Variants in SHISA6 observed in about 807,000 individuals in gnomAD.
SHISA6 encodes shisa family member 6.
In SHISA6, 22 loss-of-function variants were observed where a neutral mutation model predicts 47.9. The observed-to-expected ratio is 0.46, with a 90% CI of 0.33 to 0.66. The LOEUF is 0.66. SHISA6 is among the 30% of genes least tolerant of loss of function. The pLI, the probability that SHISA6 is intolerant of heterozygous loss-of-function variation, is 0.02. For synonymous variants in SHISA6, 388 were observed against 337.8 expected, an observed-to-expected ratio of 1.15 and a Z score of -1.63; for missense variants, 680 against 764.6, an observed-to-expected ratio of 0.89 and a Z score of 1.30.
chr17:11,477,878 A>T (rs1215068812), intron 3 of SHISA6, among the ~76,000 whole-genome samples: 11 of 150,026 alleles, frequency 7.3e-5, no homozygotes, highest in Non-Finnish European at 3.0e-5. Context: ...TGCAATAAAC[A>T]TACGTGTGCG....
At chr17:11,507,246 A>T (rs2071506946) in intron 3 of SHISA6, among the ~76,000 whole-genome samples, 1 of 152,236 alleles carries the variant, frequency 6.6e-6, no homozygotes, top group African/African-American at 2.4e-5. Context: ...AAGGAAGGTG[A>T]ATTGGACAGG....
At chr17:11,333,661 C>T (rs1472677402) in intron 2 of SHISA6, among the ~76,000 whole-genome samples, 1 of 152,096 alleles carries the variant, frequency 6.6e-6, no homozygotes, top group Non-Finnish European at 1.5e-5. Flanking sequence ...ATTACAGATG[C>T]ATGCCACCAT....
At chr17:11,525,414 G>A (rs1471681803) in intron 3 of SHISA6, among the ~76,000 whole-genome samples, 3 of 151,738 alleles carry the variant, frequency 2.0e-5, no homozygotes, top group African/African-American at 4.8e-5. Flanking sequence ...GTGGGCAGAC[G>A]ACAAGGTCAA....
chr17:11,440,875 T>C (rs1915076875), intron 3 of SHISA6, among the ~76,000 whole-genome samples: 1 of 151,430 alleles, frequency 6.6e-6, no homozygotes, highest in Non-Finnish European at 1.5e-5. Flanking sequence ...TACAGTTCCA[T>C]TGAGAGATGG....
chr17:11,259,705 G>A (rs370203955), intron 1 of SHISA6, among the ~76,000 whole-genome samples: 5 of 152,272 alleles, frequency 3.3e-5, no homozygotes, highest in East Asian at 3.9e-4. Flanking sequence ...TACATAATTG[G>A]TATTGAACTG....
intron 3 of SHISA6, among the ~76,000 whole-genome samples, chr17:11,491,981 G>C (rs1469691004): frequency 1.3e-5 from 2 of 152,080 alleles, no homozygotes; most frequent in Admixed American, 1.3e-4. Context: ...ATGTTGGTCA[G>C]GATGGTCTCG....
At chr17:11,263,816 T>C (rs1908332201) in intron 2 of SHISA6, among the ~76,000 whole-genome samples, 1 of 152,192 alleles carries the variant, frequency 6.6e-6, no homozygotes, top group Admixed American at 6.5e-5. Context: ...GCAGCATCCA[T>C]AGCAGGGTAT....
intron 3 of SHISA6, among the ~76,000 whole-genome samples, chr17:11,409,278 T>C (rs1276665568): frequency 6.6e-6 from 1 of 152,224 alleles, no homozygotes; most frequent in East Asian, 1.9e-4. Flanking sequence ...ATACTAGTTA[T>C]AATTATCTTT....
intron 3 of SHISA6, 145 bp downstream of exon 3, chr17:11,379,654 G>A (rs974925235): frequency 9.9e-5 from 55 of 555,758 alleles, no homozygotes; most frequent in Middle Eastern, 2.7e-4. Flanking sequence ...GGTGACATGC[G>A]TGGCTTCTGA....
intron 2 of SHISA6, among the ~76,000 whole-genome samples, chr17:11,322,452 C>T (rs1430079831): frequency 1.3e-5 from 2 of 152,126 alleles, no homozygotes; most frequent in Non-Finnish European, 2.9e-5. Context: ...GAAAACATCT[C>T]TTTTGCCTTG....
At chr17:11,296,477 G>C (rs1909754526) in intron 2 of SHISA6, among the ~76,000 whole-genome samples, 1 of 152,134 alleles carries the variant, frequency 6.6e-6, no homozygotes, top group South Asian at 2.1e-4. Flanking sequence ...GAGTAACTGA[G>C]ATGGATCCCA....
chr17:11,311,440 C>G (rs1261449237), intron 2 of SHISA6, among the ~76,000 whole-genome samples: 1 of 152,034 alleles, frequency 6.6e-6, no homozygotes, highest in African/African-American at 2.4e-5. Flanking sequence ...CATGGCTATA[C>G]TAGTAAAATG....
chr17:11,391,099 T>C (rs1443817212), intron 3 of SHISA6, among the ~76,000 whole-genome samples: 1 of 152,098 alleles, frequency 6.6e-6, no homozygotes, highest in Non-Finnish European at 1.5e-5. Context: ...AGGGCAGGTA[T>C]TTCAGGTGGG....
At chr17:11,284,128 CT>C (rs759628056) in intron 2 of SHISA6, among the ~76,000 whole-genome samples, 36 of 152,208 alleles carry the variant, frequency 2.4e-4, no homozygotes, top group Admixed American at 2.0e-3. Flanking sequence ...AATCCTCCCC[CT>C]ACCTCATCTA....
chr17:11,369,466 G>C (rs748086824), intron 2 of SHISA6, among the ~76,000 whole-genome samples: 16 of 152,212 alleles, frequency 1.1e-4, no homozygotes, highest in Non-Finnish European at 2.2e-4. Flanking sequence ...TTCACTCATA[G>C]GACGCTCAGT....
chr17:11,314,037 G>GAAC (rs2142189333), intron 2 of SHISA6, among the ~76,000 whole-genome samples: 1 of 152,306 alleles, frequency 6.6e-6, no homozygotes, highest in East Asian at 1.9e-4. Context: ...TCATCCCAGT[G>GAAC]AACAGCTCAG....
chr17:11,327,734 T>C lies in SHISA6; in HGVS notation c.800-51680T>C, dbSNP rs968965598. On this transcript the variant is annotated intron_variant, in intron 2 of 5. Transcript: ENST00000441885. ...ATCGCTTGAACCTGGGAGGCAGAGG[T>C]TGCGGTGAGCCAAGACCGTGCCGCT... Among the ~76,000 whole-genome samples the C allele has an allele frequency of 1.4e-4, 21 of 152,154 alleles. No individual in the cohort carries two copies. The East Asian group carries it at 4.1e-3, about 29-fold the overall frequency.
At position 11,557,899 on chromosome 17, in the gene SHISA6, G is replaced by A. The variant is rs1269558789; in HGVS notation, c.1251G>A (p.Met417Ile). 2 of 1,551,600 alleles carry A rather than the reference G, an allele frequency of 1.3e-6. No homozygotes were observed. The highest frequency in any genetic ancestry group is 2.4e-5 in the South Asian group (2 of 84,062). Residue 417 changes from methionine (M) to isoleucine (I), a missense_variant, in exon 6 of 6, where the codon ATG (methionine) becomes ATA (isoleucine). Met to Ile is a conservative substitution (Grantham distance 10, BLOSUM62 1). This residue lies in a region of SHISA6 where 559 missense variants were observed against 674.1 expected (regional missense o/e 0.83). Coordinates refer to ENST00000441885, the MANE Select transcript of SHISA6 (RefSeq NM_207386.4). ...GACCCCGCCGGCCCATCCGGGCCATGTCCCAGGACAGGGTCCTGTCCCCGG... is the reference window on the plus strand; with the variant it reads ...GACCCCGCCGGCCCATCCGGGCCATATCCCAGGACAGGGTCCTGTCCCCGG... ...RERPRRPIRAMSQDRVLSPDR... is the reference protein window; with the variant it reads ...RERPRRPIRAISQDRVLSPDR...
At chr17:11,535,414 G>A (rs1404075311) in intron 3 of SHISA6, among the ~76,000 whole-genome samples, 1 of 152,216 alleles carries the variant, frequency 6.6e-6, no homozygotes. Flanking sequence ...GGGCTACAAT[G>A]TGAAGCTACA....
Sources: gnomAD v4.1 joint callset for allele counts (sites outside exome capture counted in the v4.1 genomes callset) on GRCh38, gnomAD v4.1.1 for gene constraint, gnomAD v4.1.1 regional missense constraint, MANE v1.5 for transcripts, NCBI Gene and HGNC (gene_info 2026-07-23, HGNC 2026-07-21) for gene names.